Variants in KALRN observed in about 807,000 individuals in gnomAD.
KALRN encodes kalirin RhoGEF kinase.
Under a neutral mutation model 353.7 loss-of-function variants are expected in KALRN, and 70 were observed. The ratio of observed to expected loss-of-function variants is 0.20; its 90% CI spans 0.16 to 0.24. The LOEUF (loss-of-function observed/expected upper bound fraction) is 0.24, where lower values mean the gene tolerates loss of function less well. Ranked by LOEUF, KALRN falls within the 10% of genes least tolerant of loss-of-function variation. KALRN has a pLI of 1.00. For synonymous variants in KALRN, 1,391 were observed against 1,434.8 expected, an observed-to-expected ratio of 0.97 and a Z score of 0.69; for missense variants, 2,791 against 3,756.7, an observed-to-expected ratio of 0.74 and a Z score of 6.72.
chr3:124,665,728 G>T (rs955280974), intron 45 of KALRN, among the ~76,000 whole-genome samples: 3 of 152,196 alleles, frequency 2.0e-5, no homozygotes, highest in Admixed American at 1.3e-4. Flanking sequence ...GCCTCCCAAA[G>T]TTCTGGGATT....
rs369193571 is a variant in KALRN at position 124,482,797 on chromosome 3, C to T, written c.4192-11C>T. 447 of 1,588,074 alleles carry T rather than the reference C, an allele frequency of 2.8e-4. No homozygotes were observed. Among genetic ancestry groups the T allele is most frequent in the Non-Finnish European group, 3.5e-4 (407 of 1,156,252 alleles). On this transcript the variant is annotated splice_polypyrimidine_tract_variant and intron_variant, in intron 27 of 59. Transcript: ENST00000682506. The stretch of plus-strand genomic sequence containing the variant: ...TCTGTGTCTAATTGCACATTGTTCT[C>T]ATCCCTGCAGGAGATACAACAGCGG...
chr3:124,623,225 T>A (rs944390556), intron 34 of KALRN, among the ~76,000 whole-genome samples: 7 of 151,778 alleles, frequency 4.6e-5, no homozygotes, highest in South Asian at 4.2e-4. Context: ...GCTCAAGCAA[T>A]CCTCCTGCCT....
intron 6 of KALRN, among the ~76,000 whole-genome samples, 188 bp from the exon 7 acceptor site, chr3:124,325,792 A>T (rs1042928026): frequency 3.3e-5 from 5 of 152,216 alleles, no homozygotes; most frequent in Admixed American, 6.5e-5. Context: ...GTTCCCTGCT[A>T]TCTACTGAAA....
intron 1 of KALRN, chr3:124,095,957 G>A (rs1268098147): frequency 6.6e-6 from 1 of 152,132 alleles, no homozygotes; most frequent in Non-Finnish European, 1.5e-5. Context: ...GCACAGAGCA[G>A]GTGAAACAGG....
chr3:124,141,180 G>A (rs1277631338), intron 1 of KALRN, among the ~76,000 whole-genome samples: 1 of 152,112 alleles, frequency 6.6e-6, no homozygotes, highest in Non-Finnish European at 1.5e-5. Context: ...TTCATCCCAT[G>A]CCTAATAGCT....
chr3:124,694,458 T>C lies in KALRN; in HGVS notation c.7532T>C (p.Ile2511Thr), dbSNP rs1463505475. 1 of 1,613,990 alleles carries C rather than the reference T, an allele frequency of 6.2e-7. No homozygotes were observed. Among genetic ancestry groups the C allele is most frequent in the Non-Finnish European group, 8.5e-7 (1 of 1,180,032 alleles). The change falls in exon 53 of 60, where the codon ATC becomes ACC. Residue 2511 changes from isoleucine (I) to threonine (T), a missense_variant. Ile to Thr is a moderately conservative substitution (Grantham distance 89). Transcript: ENST00000682506. ...TITWKGPDQN[I>T]LDTDNSSATY... ...ACTTGGAAGGGTCCAGACCAGAACA[T>C]CCTTGACACTGATAACAGCTCAGCC... is the stretch of plus-strand genomic sequence containing the variant.
intron 3 of KALRN, among the ~76,000 whole-genome samples, chr3:124,260,395 C>G (rs998698965): frequency 6.6e-6 from 1 of 152,196 alleles, no homozygotes; most frequent in African/African-American, 2.4e-5. Flanking sequence ...CCTAGCTCAG[C>G]CCTACATGGC....
chr3:124,200,310 A>G (rs1032653270), intron 1 of KALRN, among the ~76,000 whole-genome samples: 1 of 152,380 alleles, frequency 6.6e-6, no homozygotes, highest in Non-Finnish European at 1.5e-5. Flanking sequence ...AAAATACCAT[A>G]AACTGGGTGG....
At chr3:124,212,248 T>G (rs1233960487) in intron 1 of KALRN, among the ~76,000 whole-genome samples, 2 of 151,868 alleles carry the variant, frequency 1.3e-5, no homozygotes, top group African/African-American at 2.4e-5. Flanking sequence ...AATATCCCCA[T>G]AATCTCACAC....
intron 18 of KALRN, among the ~76,000 whole-genome samples, chr3:124,440,834 GAGAAATAC>G (rs2093643503): frequency 1.3e-5 from 2 of 151,842 alleles, no homozygotes; most frequent in Admixed American, 6.6e-5. Context: ...CTGCTTTGTA[GAGAAATAC>G]AGAAAGTACT....
At chr3:124,372,266 A>G (rs1349787880) in intron 10 of KALRN, among the ~76,000 whole-genome samples, 1 of 152,348 alleles carries the variant, frequency 6.6e-6, no homozygotes, top group East Asian at 1.9e-4. Context: ...TGAAACTAAT[A>G]CATATTCACC....
chr3:124,666,605 C>T lies in KALRN; in HGVS notation c.6502C>T (p.Pro2168Ser). 6.2e-7 allele frequency: 1 copy of T among 1,614,072 alleles called. No individual in the cohort carries two copies. The highest frequency in any genetic ancestry group is 8.5e-7 in the Non-Finnish European group (1 of 1,179,980). Residue 2168 changes from proline (P) to serine (S), a missense_variant, in exon 46 of 60, where the codon CCT (proline) becomes TCT (serine). Pro to Ser is a moderately conservative substitution (Grantham distance 74). Coordinates refer to ENST00000682506, the MANE Select transcript of KALRN (RefSeq NM_001388419.1). ...SELLRKGSLT[P>S]GYMFKRSIKM... ...ACTGCTCAGGAAGGGATCCCTCACC[C>T]CTGGCTACATGTTCAAAAGGAGCAT...
chr3:124,514,596 C>T (rs751079427), intron 33 of KALRN, among the ~76,000 whole-genome samples: 1 of 152,114 alleles, frequency 6.6e-6, no homozygotes, highest in Non-Finnish European at 1.5e-5. Context: ...CCTCATTTTG[C>T]AGATGAGGAA....
chr3:124,518,582 G>A, intron 33 of KALRN: 2 of 1,597,124 alleles, frequency 1.3e-6, no homozygotes, highest in Non-Finnish European at 1.7e-6. Context: ...CTGGTGTGGG[G>A]TGCAGCCTTT....
At chr3:124,537,741 T>C (rs1241364172) in intron 33 of KALRN, among the ~76,000 whole-genome samples, 2 of 152,206 alleles carry the variant, frequency 1.3e-5, no homozygotes, top group Non-Finnish European at 2.9e-5. Flanking sequence ...TCTGTCTAGG[T>C]AGCAGATGAG....
At position 124,142,924 on chromosome 3, in the gene KALRN, A is replaced by T. The variant is rs146430648; in HGVS notation, c.74-85066A>T. ...GTGTGTCAGGGGATGCTATCACCCC[A>T]CAAATGCCTCTGAACCCCAGCATTG... On this transcript the variant is annotated intron_variant, in intron 1 of 59. Coordinates refer to ENST00000682506, the MANE Select transcript of KALRN (RefSeq NM_001388419.1). 1.6e-3 allele frequency among the ~76,000 whole-genome samples: 243 copies of T among 152,132 alleles called. 1 individual carries two copies. Among genetic ancestry groups the T allele is most frequent in the Non-Finnish European group, 2.7e-3 (183 of 67,990 alleles).
At chr3:124,130,922 T>C (rs1045975627) in intron 1 of KALRN, among the ~76,000 whole-genome samples, 1 of 152,120 alleles carries the variant, frequency 6.6e-6, no homozygotes, top group African/African-American at 2.4e-5. Flanking sequence ...ACAAACCTAA[T>C]GTGTGGGACA....
intron 33 of KALRN, among the ~76,000 whole-genome samples, chr3:124,524,616 T>C (rs1156520332): frequency 6.6e-6 from 1 of 152,000 alleles, no homozygotes; most frequent in Non-Finnish European, 1.5e-5. Context: ...ACAGGTTGAG[T>C]TGTGGGAGAG....
At chr3:124,140,456 A>C (rs568835109) in intron 1 of KALRN, among the ~76,000 whole-genome samples, 2 of 152,298 alleles carry the variant, frequency 1.3e-5, no homozygotes, top group South Asian at 4.1e-4. Flanking sequence ...CCTTATCTTG[A>C]GGATGGAATT....
Sources: gnomAD v4.1 joint callset for allele counts (sites outside exome capture counted in the v4.1 genomes callset) on GRCh38, gnomAD v4.1.1 for gene constraint, MANE v1.5 for transcripts, NCBI Gene and HGNC (gene_info 2026-07-23, HGNC 2026-07-21) for gene names.